The following LTBP1 variants were observed in gnomAD, a reference collection of about 807,000 sequenced individuals.
The protein encoded by LTBP1 is latent-transforming growth factor beta-binding protein 1.
A neutral mutation model predicts 207.6 loss-of-function variants in LTBP1; 129 were observed. That is an observed-to-expected ratio of 0.62 (90% confidence interval 0.54 to 0.72). The LOEUF (loss-of-function observed/expected upper bound fraction) is 0.72, where lower values mean the gene tolerates loss of function less well. LTBP1 is among the 30% of genes least tolerant of loss of function. The probability of loss-of-function intolerance (pLI) is 0.00; values close to 1 mark genes in which losing one functional copy is unlikely to be tolerated. For synonymous variants in LTBP1, 963 were observed against 833.7 expected (o/e 1.16, Z -2.67); for missense variants, 2,281 against 2,217.2 (o/e 1.03, Z -0.58).
intron 3 of LTBP1, among the ~76,000 whole-genome samples, chr2:33,021,983 C>G (rs530149407): frequency 6.6e-6 from 1 of 152,272 alleles, no homozygotes; most frequent in South Asian, 2.1e-4. Context: ...GCAACTATCA[C>G]TTGTCATTTG....
At chr2:33,358,728 A>T (rs992147892) in intron 26 of LTBP1, among the ~76,000 whole-genome samples, 2 of 152,202 alleles carry the variant, frequency 1.3e-5, no homozygotes, top group African/African-American at 4.8e-5. Flanking sequence ...TTTTTGGACC[A>T]GCTGAATAAA....
At chr2:33,182,506 C>G (rs189044510) in intron 5 of LTBP1, among the ~76,000 whole-genome samples, 2,730 of 150,816 alleles carry the variant, frequency 0.018, 49 homozygotes, top group Middle Eastern at 0.051. Flanking sequence ...ACTAAAAATA[C>G]AAAAAATTAG....
chr2:32,974,614 T>C lies in LTBP1; in HGVS notation c.565+25669T>C, dbSNP rs575122472. 2.0e-5 allele frequency among the ~76,000 whole-genome samples: 3 copies of C among 152,260 alleles called. No individual in the cohort carries two copies. The South Asian group carries it at 6.2e-4, about 32-fold the overall frequency. Reference sequence around the variant, plus strand: ...CAGTTTTCCATTTTGCTTTGGTTGTTTATGCTTTTAGGGTATTGCTCTTTG... The same window carrying C: ...CAGTTTTCCATTTTGCTTTGGTTGTCTATGCTTTTAGGGTATTGCTCTTTG... On this transcript the variant is annotated intron_variant, in intron 2 of 33. Transcript: ENST00000404816.
intron 3 of LTBP1, among the ~76,000 whole-genome samples, chr2:33,055,414 A>T (rs573012883): frequency 6.6e-6 from 1 of 152,192 alleles, no homozygotes; most frequent in African/African-American, 2.4e-5. Flanking sequence ...AATTCTCCTT[A>T]GTCCTTCTAG....
intron 7 of LTBP1, among the ~76,000 whole-genome samples, chr2:33,193,843 C>A (rs186033041): frequency 6.6e-6 from 1 of 152,088 alleles, no homozygotes; most frequent in Admixed American, 6.6e-5. Context: ...ACTGGCCATT[C>A]CCCCATCTCT....
intron 24 of LTBP1, among the ~76,000 whole-genome samples, chr2:33,325,612 A>T (rs2094416638): frequency 6.6e-6 from 1 of 152,352 alleles, no homozygotes; most frequent in Admixed American, 6.5e-5. Context: ...TGTAAAGACA[A>T]AGTAATAGAG....
rs1007852202 is a variant in LTBP1, at chr2:33,365,409, T to G, written c.4617T>G (p.Pro1539=). 6.2e-7 allele frequency: 1 copy of G among 1,614,110 alleles called. No homozygotes were observed. Among genetic ancestry groups the G allele is most frequent in the African/African-American group, 1.3e-5 (1 of 74,934 alleles). The change falls in exon 31 of 34, where the codon CCT becomes CCG. Residue 1539 remains proline, a synonymous_variant. Transcript: ENST00000404816. The part of the protein sequence containing the change: ...HLSDEYVCSR[P]LVGKQTTYTE... ...GTGATGAATACGTGTGTAGCCGGCC[T>G]CTTGTGGGCAAGCAGACAACGTACA...
At chr2:33,321,833 C>T (rs1055277161) in intron 24 of LTBP1, among the ~76,000 whole-genome samples, 7 of 152,176 alleles carry the variant, frequency 4.6e-5, no homozygotes, top group Admixed American at 2.6e-4. Flanking sequence ...ACAGAATCCA[C>T]TCTCTTCCAT....
Position 33,398,394 on chromosome 2 carries a change from G to T in LTBP1, c.5015G>T (p.Arg1672Leu), listed in dbSNP as rs145029619. Residue 1672 changes from arginine to leucine, a missense_variant, in exon 34 of 34, where the codon CGG (arginine) becomes CTG (leucine). Arg to Leu is a moderately radical substitution (Grantham distance 102, BLOSUM62 -2). Transcript: ENST00000404816. ...DVNECDELNN[R>L]MSLCKNAKCI... ...AATGAATGCGATGAGTTGAACAACCGGATGTCTCTCTGCAAGAATGCCAAG... is the reference window on the plus strand; with the variant it reads ...AATGAATGCGATGAGTTGAACAACCTGATGTCTCTCTGCAAGAATGCCAAG... 1.4e-5 allele frequency: 22 copies of T among 1,613,826 alleles called. No homozygotes were observed. The highest frequency in any genetic ancestry group is 1.7e-5 in the Non-Finnish European group (20 of 1,179,928).
chr2:33,049,715 A>C (rs17324874), intron 3 of LTBP1, among the ~76,000 whole-genome samples: 14,789 of 152,252 alleles, frequency 0.097, 957 homozygotes, highest in Non-Finnish European at 0.14. Flanking sequence ...GTAGTTTTAG[A>C]ATATATACTC....
intron 4 of LTBP1, among the ~76,000 whole-genome samples, chr2:33,131,301 A>G (rs1445447324): frequency 6.6e-6 from 1 of 152,210 alleles, no homozygotes; most frequent in Non-Finnish European, 1.5e-5. Flanking sequence ...GTCTACTGTT[A>G]GTGAATTCCT....
chr2:33,343,328 A>G (rs2094655879), intron 25 of LTBP1, among the ~76,000 whole-genome samples: 1 of 150,206 alleles, frequency 6.7e-6, no homozygotes, highest in Non-Finnish European at 1.5e-5. Flanking sequence ...GGAGGATCTC[A>G]TGTGCCCAGG....
At chr2:33,011,359 A>G (rs1056850014) in intron 2 of LTBP1, among the ~76,000 whole-genome samples, 9 of 152,148 alleles carry the variant, frequency 5.9e-5, no homozygotes, top group African/African-American at 1.7e-4. Flanking sequence ...AAATTCTTCT[A>G]TAGAAGTCCT....
At chr2:32,952,930 G>A (rs1443837941) in intron 2 of LTBP1, among the ~76,000 whole-genome samples, 4 of 152,194 alleles carry the variant, frequency 2.6e-5, no homozygotes, top group African/African-American at 9.7e-5. Flanking sequence ...CGCATGGATG[G>A]TTCTTTCATT....
intron 15 of LTBP1, among the ~76,000 whole-genome samples, chr2:33,265,113 G>A (rs817538): frequency 2.6e-5 from 4 of 152,126 alleles, no homozygotes; most frequent in African/African-American, 9.7e-5. Flanking sequence ...ACCCACCCAC[G>A]CTGCTGAGGG....
At chr2:33,184,579 C>T (rs1378048329) in intron 5 of LTBP1, among the ~76,000 whole-genome samples, 4 of 152,318 alleles carry the variant, frequency 2.6e-5, no homozygotes, top group Middle Eastern at 3.4e-3. Flanking sequence ...CTTTTCTCCT[C>T]TGCAGTTCCA....
At chr2:33,021,302 A>G in intron 3 of LTBP1, 96 bp downstream of exon 3, 2 of 1,166,580 alleles carry the variant, frequency 1.7e-6, no homozygotes, top group Admixed American at 2.5e-5. Context: ...CACAATTTGC[A>G]GAAATCACTT....
chr2:33,128,924 G>A (rs1471024185), intron 4 of LTBP1, among the ~76,000 whole-genome samples: 1 of 152,200 alleles, frequency 6.6e-6, no homozygotes, highest in Non-Finnish European at 1.5e-5. Context: ...GGCAATGCTG[G>A]TAGGTTCTCT....
chr2:33,226,308 C>T (rs1478496553), intron 9 of LTBP1, among the ~76,000 whole-genome samples: 1 of 152,130 alleles, frequency 6.6e-6, no homozygotes, highest in African/African-American at 2.4e-5. Flanking sequence ...GATATCTCTG[C>T]CTCTTAATAG....
Sources: gnomAD v4.1 joint callset for allele counts (sites outside exome capture counted in the v4.1 genomes callset) on GRCh38, gnomAD v4.1.1 for gene constraint, MANE v1.5 for transcripts, NCBI Gene and HGNC (gene_info 2026-07-23, HGNC 2026-07-21) for gene names.